IKBKB-DT: variants seen among roughly 807,000 people sequenced by gnomAD.
IKBKB-DT encodes IKBKB antisense RNA.
chr8:42,256,474 A>C (rs1283982843), intron 3 of IKBKB-DT, among the ~76,000 whole-genome samples: 26 of 151,896 alleles, frequency 1.7e-4, no homozygotes, highest in Admixed American at 1.7e-3. Flanking sequence ...CAAGTGGCTG[A>C]GGCAGGAGAA....
intron 3 of IKBKB-DT, among the ~76,000 whole-genome samples, chr8:42,253,740 C>T (rs1270918281): frequency 1.3e-5 from 2 of 152,192 alleles, no homozygotes; most frequent in African/African-American, 4.8e-5. Context: ...AGAAAGGGTA[C>T]ACTCGCCAGC....
In IKBKB-DT at chr8:42,262,800, G is replaced by A. The variant is rs564097043; in HGVS notation, n.1529+529C>T. On this transcript the variant is annotated intron_variant and non_coding_transcript_variant, in intron 3 of 3. Coordinates refer to ENST00000518213, the Ensembl canonical transcript of IKBKB-DT. ...ATTGCCCAGGCTGGAGTGCAGTGGC[G>A]TAATCACGGCTCACTGCATCCTCAA... is the stretch of plus-strand genomic sequence containing the variant. 5.3e-5 allele frequency among the ~76,000 whole-genome samples: 8 copies of A among 150,656 alleles called. No individual in the cohort carries two copies. In the East Asian group the frequency reaches 9.8e-4, roughly 18 times the overall value.
At chr8:42,248,028 G>A (rs560782222) in intron 3 of IKBKB-DT, among the ~76,000 whole-genome samples, 3 of 151,920 alleles carry the variant, frequency 2.0e-5, no homozygotes, top group Non-Finnish European at 2.9e-5. Context: ...GGGAGGCGGA[G>A]GTTGTAGTGA....
intron 3 of IKBKB-DT, among the ~76,000 whole-genome samples, chr8:42,258,227 C>G (rs1351585973): frequency 6.6e-6 from 1 of 152,074 alleles, no homozygotes. Context: ...TTTTTGAGAT[C>G]CTTATAATAA....
At chr8:42,260,552 C>G (rs182208637) in intron 3 of IKBKB-DT, among the ~76,000 whole-genome samples, 1 of 151,626 alleles carries the variant, frequency 6.6e-6, no homozygotes, top group East Asian at 1.9e-4. Flanking sequence ...TGTCTGTAAT[C>G]CCAGCTACTT....
intron 3 of IKBKB-DT, among the ~76,000 whole-genome samples, chr8:42,246,423 T>C (rs565951723): frequency 2.6e-5 from 4 of 152,338 alleles, no homozygotes; most frequent in South Asian, 4.1e-4. Context: ...TTCTATAATA[T>C]GTTTCTCTAT....
intron 3 of IKBKB-DT, chr8:42,263,196 A>G (rs1422428963): frequency 1.3e-5 from 2 of 151,680 alleles, no homozygotes; most frequent in African/African-American, 2.4e-5. Flanking sequence ...TATTTTTAGT[A>G]GAGACAGGGT....
chr8:42,244,254 C>G (rs1338802906), intron 3 of IKBKB-DT, among the ~76,000 whole-genome samples: 1 of 152,156 alleles, frequency 6.6e-6, no homozygotes, highest in Non-Finnish European at 1.5e-5. Context: ...ATTTTTAAAT[C>G]TTCAGAGTCT....
At chr8:42,268,278 G>T (rs993268114) in intron 1 of IKBKB-DT, among the ~76,000 whole-genome samples, 17 of 151,748 alleles carry the variant, frequency 1.1e-4, no homozygotes, top group African/African-American at 4.1e-4. Context: ...TGGATTACAG[G>T]CACGTGCCAC....
At chr8:42,234,622 T>C (rs529691210) in intron 3 of IKBKB-DT, among the ~76,000 whole-genome samples, 1 of 152,184 alleles carries the variant, frequency 6.6e-6, no homozygotes, top group Non-Finnish European at 1.5e-5. Flanking sequence ...ATTTATTTTA[T>C]TTTATTCTAT....
chr8:42,239,624 ATATATATATATT>A lies in IKBKB-DT; in HGVS notation n.1530-5777_1530-5766del, dbSNP rs1175157374. On this transcript the variant is annotated intron_variant and non_coding_transcript_variant, in intron 3 of 3. Coordinates refer to ENST00000518213, the Ensembl canonical transcript of IKBKB-DT. ...TTTGTAAAAGGCAATTTATATATAT[ATATATATATATT>A]TATTTATTTATTCATTTTTTTTTTT... Among the ~76,000 whole-genome samples the A allele has an allele frequency of 1.6e-4, 14 of 88,112 alleles. 3 individuals are homozygous for A. Among genetic ancestry groups the A allele is most frequent in the Admixed American group, 5.2e-4 (4 of 7,636 alleles). 57.8% of individuals were successfully genotyped at this position (88,112 alleles called of 152,430 possible). A position where few individuals can be genotyped will look rare whatever the true frequency, so the allele number is the denominator to read the frequency against.
chr8:42,249,742 A>C (rs550149857), intron 3 of IKBKB-DT, among the ~76,000 whole-genome samples: 1 of 152,198 alleles, frequency 6.6e-6, no homozygotes, highest in East Asian at 1.9e-4. Flanking sequence ...TCACTGAATT[A>C]TTTTGAGGAT....
intron 3 of IKBKB-DT, among the ~76,000 whole-genome samples, chr8:42,240,697 CCA>C (rs1806990608): frequency 1.3e-5 from 2 of 148,888 alleles, no homozygotes; most frequent in South Asian, 4.2e-4. Flanking sequence ...AGAATGTGGG[CCA>C]GACACTGTGG....
At chr8:42,259,623 T>TA (rs1379298222) in intron 3 of IKBKB-DT, among the ~76,000 whole-genome samples, 1 of 152,154 alleles carries the variant, frequency 6.6e-6, no homozygotes, top group African/African-American at 2.4e-5. Context: ...ATCCTATTTT[T>TA]ATAACTGCCT....
At chr8:42,238,024 C>CAAA (rs35087510) in intron 3 of IKBKB-DT, among the ~76,000 whole-genome samples, 668 of 35,222 alleles carry the variant, frequency 0.019, 96 homozygotes, top group Non-Finnish European at 0.035. Flanking sequence ...GGCCCTCTCT[C>CAAA]AAAAAAAAAA....
At chr8:42,263,694 G>A (rs1454980612) in intron 2 of IKBKB-DT, among the ~76,000 whole-genome samples, 1 of 152,196 alleles carries the variant, frequency 6.6e-6, no homozygotes, top group Non-Finnish European at 1.5e-5. Flanking sequence ...GTAAAGCTAA[G>A]GTTTGTAGTG....
chr8:42,247,068 C>A (rs1009649784), intron 3 of IKBKB-DT, among the ~76,000 whole-genome samples: 1 of 152,164 alleles, frequency 6.6e-6, no homozygotes, highest in Admixed American at 6.5e-5. Context: ...ATCCTTCAGA[C>A]CCCAAAATGG....
At chr8:42,239,379 T>C (rs2129902461) in intron 3 of IKBKB-DT, among the ~76,000 whole-genome samples, 1 of 151,694 alleles carries the variant, frequency 6.6e-6, no homozygotes, top group South Asian at 2.1e-4. Context: ...ATTCCTCAGG[T>C]GGCCTGGCCC....
At chr8:42,252,412 C>T (rs370893599) in intron 3 of IKBKB-DT, among the ~76,000 whole-genome samples, 5 of 152,192 alleles carry the variant, frequency 3.3e-5, no homozygotes, top group African/African-American at 7.2e-5. Flanking sequence ...CTCACTCCTG[C>T]GTGTGTCTGC....
Sources: gnomAD v4.1 joint callset for allele counts (sites outside exome capture counted in the v4.1 genomes callset) on GRCh38, gnomAD v4.1.1 for gene constraint, MANE v1.5 for transcripts, NCBI Gene and HGNC (gene_info 2026-07-23, HGNC 2026-07-21) for gene names.